PPP4R2: variants seen among roughly 807,000 people sequenced by gnomAD.
PPP4R2 encodes the protein serine/threonine-protein phosphatase 4 regulatory subunit 2.
A neutral mutation model predicts 47.2 loss-of-function variants in PPP4R2; 13 were observed. The observed-to-expected ratio is 0.28, with a 90% confidence interval of 0.18 to 0.44. The LOEUF (loss-of-function observed/expected upper bound fraction) is 0.44. Among genes scored for constraint, PPP4R2 ranks in the 20% least tolerant of loss-of-function variants. The pLI is 1.00. For synonymous variants in PPP4R2, 151 were observed against 163.3 expected, an observed-to-expected ratio of 0.92 and a Z score of 0.57; for missense variants, 421 against 491.2, an observed-to-expected ratio of 0.86 and a Z score of 1.35.
intron 2 of PPP4R2, among the ~76,000 whole-genome samples, chr3:73,011,308 T>C (rs6808373): frequency 0.074 from 11,331 of 152,158 alleles, 612 homozygotes; most frequent in African/African-American, 0.14. Flanking sequence ...GGTGAAACCC[T>C]GCCTCTACTG....
intron 7 of PPP4R2, among the ~76,000 whole-genome samples, chr3:73,064,625 A>G (rs1212333642): frequency 6.6e-6 from 1 of 152,192 alleles, no homozygotes; most frequent in Admixed American, 6.5e-5. Context: ...AACTTACTGG[A>G]GAATTGCACA....
chr3:73,009,874 G>A (rs1701687083), intron 2 of PPP4R2, among the ~76,000 whole-genome samples: 1 of 152,166 alleles, frequency 6.6e-6, no homozygotes, highest in Admixed American at 6.5e-5. Flanking sequence ...TCTCTGATGT[G>A]TTCGTTTGCT....
At chr3:72,998,384 T>C (rs944790651) in intron 2 of PPP4R2, among the ~76,000 whole-genome samples, 4 of 152,208 alleles carry the variant, frequency 2.6e-5, no homozygotes, top group African/African-American at 9.6e-5. Flanking sequence ...TAAAATTTTC[T>C]TTATAGCTAG....
chr3:73,010,316 G>A lies in PPP4R2; in HGVS notation c.116+12158G>A, dbSNP rs574550988. ...TGGCCCACTGCAGCCTTGACCTCCC[G>A]GGCTTAAATGATCCTCCTGCCTCAG... On this transcript the variant is annotated intron_variant, in intron 2 of 8. Transcript: ENST00000356692. Among the ~76,000 whole-genome samples the A allele has an allele frequency of 4.6e-5, 7 of 152,132 alleles. No homozygotes were observed. In the East Asian group the frequency reaches 5.8e-4, roughly 13 times the overall value.
intron 2 of PPP4R2, among the ~76,000 whole-genome samples, chr3:73,019,323 T>C (rs1559552244): frequency 6.6e-6 from 1 of 152,190 alleles, no homozygotes; most frequent in African/African-American, 2.4e-5. Context: ...GATACATCAC[T>C]GTAGATGAAA....
chr3:72,997,125 C>G, intron 1 of PPP4R2, 54 bp downstream of exon 1: 1 of 1,287,780 alleles, frequency 7.8e-7, no homozygotes, highest in Non-Finnish European at 1.0e-6. Flanking sequence ...GCTCGCTCTT[C>G]TCTCCTTTCA....
chr3:73,045,563 C>T (rs964376390), intron 2 of PPP4R2, among the ~76,000 whole-genome samples: 2 of 137,640 alleles, frequency 1.5e-5, no homozygotes, highest in South Asian at 2.3e-4. Flanking sequence ...TCTTGCTCAT[C>T]GCCCGGGCTG....
intron 2 of PPP4R2, among the ~76,000 whole-genome samples, chr3:73,011,021 A>T (rs572136545): frequency 2.0e-3 from 216 of 106,940 alleles, no homozygotes; most frequent in South Asian, 0.017. Flanking sequence ...CCAAGGTTGT[A>T]CAGCTAAGTA....
intron 1 of PPP4R2, among the ~76,000 whole-genome samples, chr3:72,997,689 C>G (rs1490251738): frequency 6.6e-6 from 1 of 152,132 alleles, no homozygotes; most frequent in South Asian, 2.1e-4. Flanking sequence ...GGGACGGCAA[C>G]TTGGGGTAGT....
At chr3:73,044,568 G>A (rs9821511) in intron 2 of PPP4R2, among the ~76,000 whole-genome samples, 79,297 of 151,928 alleles carry the variant, frequency 0.52, 20,963 homozygotes, top group South Asian at 0.61. Context: ...CCCTGGCAAC[G>A]GAGTGACACT....
At chr3:73,013,337 G>A (rs1701761035) in intron 2 of PPP4R2, among the ~76,000 whole-genome samples, 1 of 152,198 alleles carries the variant, frequency 6.6e-6, no homozygotes, top group Non-Finnish European at 1.5e-5. Flanking sequence ...TTTTGGTTAA[G>A]GAGGAATTTG....
chr3:72,999,590 T>C (rs2107192601), intron 2 of PPP4R2, among the ~76,000 whole-genome samples: 1 of 152,364 alleles, frequency 6.6e-6, no homozygotes, highest in Non-Finnish European at 1.5e-5. Context: ...CTGCTTTCCC[T>C]TTTTGATAAA....
chr3:73,041,310 A>G (rs1702374447), intron 2 of PPP4R2, among the ~76,000 whole-genome samples: 1 of 152,178 alleles, frequency 6.6e-6, no homozygotes, highest in South Asian at 2.1e-4. Context: ...ATTTATAGAG[A>G]GAGTAATTTG....
intron 2 of PPP4R2, among the ~76,000 whole-genome samples, chr3:73,012,425 G>A (rs1281960719): frequency 4.6e-5 from 7 of 151,956 alleles, no homozygotes; most frequent in Admixed American, 6.6e-5. Context: ...TCAGCCTCCC[G>A]CTTAGCTGGG....
chr3:73,065,526 A>C lies in PPP4R2; in HGVS notation c.1058A>C (p.Gln353Pro), dbSNP rs1038594140. The part of the protein sequence containing the change: ...NNQMEESDVS[Q>P]AEKDLLHSEG... ...CAAATGGAGGAATCTGATGTGTCTC[A>C]AGCTGAGAAAGATTTGCTACATTCT... Residue 353 changes from glutamine (Q) to proline (P), a missense_variant, in exon 9 of 9, where the codon CAA (glutamine) becomes CCA (proline). Physicochemically the swap from Gln to Pro is moderately conservative, Grantham distance 76 (BLOSUM62 -1). Coordinates refer to ENST00000356692, the MANE Select transcript of PPP4R2 (RefSeq NM_174907.4). 2 of 1,611,996 alleles carry C rather than the reference A, an allele frequency of 1.2e-6. No individual in the cohort carries two copies. The highest frequency in any genetic ancestry group is 3.3e-5 in the Admixed American group (2 of 59,994).
At chr3:73,024,775 T>G (rs1225694773) in intron 2 of PPP4R2, among the ~76,000 whole-genome samples, 1 of 152,220 alleles carries the variant, frequency 6.6e-6, no homozygotes, top group African/African-American at 2.4e-5. Context: ...TTTGAAAGCA[T>G]CAAATTCATT....
At chr3:73,036,227 G>C (rs1022595112) in intron 2 of PPP4R2, among the ~76,000 whole-genome samples, 13 of 152,248 alleles carry the variant, frequency 8.5e-5, no homozygotes, top group African/African-American at 3.1e-4. Context: ...AGTAGAATGA[G>C]GGTTATCAGA....
At chr3:73,060,807 A>C (rs568775547) in intron 4 of PPP4R2, among the ~76,000 whole-genome samples, 2 of 152,274 alleles carry the variant, frequency 1.3e-5, no homozygotes, top group East Asian at 3.9e-4. Flanking sequence ...AGGAAAAAAA[A>C]AATTAGTGGC....
Position 72,998,095 on chromosome 3 carries a change from A to G in PPP4R2, c.53A>G (p.Lys18Arg), listed in dbSNP as rs762307145. 5.0e-6 allele frequency: 8 copies of G among 1,604,976 alleles called. No homozygotes were observed. The highest frequency in any genetic ancestry group is 1.1e-5 in the South Asian group (1 of 88,154). ...CATCTAGATTTTGAGAAGAGGGGGA[A>G]AAAGGAAGTTTGTCCTGTCCTGGAT... ...EALKDFEKRG[K>R]KEVCPVLDQF... Residue 18 changes from lysine (K) to arginine (R), a missense_variant, in exon 2 of 9, where the codon AAA becomes AGA. By Grantham distance (26) the Lys-to-Arg change is conservative (BLOSUM62 2). This residue lies in a region of PPP4R2 where 104 missense variants were observed against 203.7 expected (regional missense o/e 0.51). Coordinates refer to ENST00000356692, the MANE Select transcript of PPP4R2 (RefSeq NM_174907.4).
Sources: gnomAD v4.1 joint callset for allele counts (sites outside exome capture counted in the v4.1 genomes callset) on GRCh38, gnomAD v4.1.1 for gene constraint, gnomAD v4.1.1 regional missense constraint, MANE v1.5 for transcripts, NCBI Gene and HGNC (gene_info 2026-07-23, HGNC 2026-07-21) for gene names.